PLCE1: variants seen among roughly 807,000 people sequenced by gnomAD.
PLCE1 encodes the protein phospholipase C epsilon 1.
A neutral mutation model predicts 242.8 loss-of-function variants in PLCE1; 119 were observed. The ratio of observed to expected loss-of-function variants is 0.49; its 90% CI spans 0.42 to 0.57. The LOEUF (loss-of-function observed/expected upper bound fraction) is 0.57, where lower values mean the gene tolerates loss of function less well. Among genes scored for constraint, PLCE1 ranks in the 20% least tolerant of loss-of-function variants. The probability of loss-of-function intolerance (pLI) is 0.00; values close to 1 mark genes in which losing one functional copy is unlikely to be tolerated. For synonymous variants in PLCE1, 945 were observed against 1,017.4 expected, an observed-to-expected ratio of 0.93 and a Z score of 1.35; for missense variants, 2,441 against 2,788.8, an observed-to-expected ratio of 0.88 and a Z score of 2.81.
In PLCE1 at chr10:94,179,507, G is replaced by T. The variant is rs373383071; in HGVS notation, c.1809+8011G>T. Among the ~76,000 whole-genome samples, 23 of 31,970 alleles carry T rather than the reference G, an allele frequency of 7.2e-4. 1 individual carries two copies. Among genetic ancestry groups the T allele is most frequent in the Admixed American group, 5.2e-3 (10 of 1,940 alleles). 21.0% of individuals were successfully genotyped at this position (31,970 alleles called of 152,430 possible). A position where few individuals can be genotyped will look rare whatever the true frequency, so the allele number is the denominator to read the frequency against. On this transcript the variant is annotated intron_variant, in intron 4 of 32. Coordinates refer to ENST00000371380, the MANE Select transcript of PLCE1 (RefSeq NM_016341.4). ...TCATCTTTATCTTATTTTTATTTTAGTTTAGTTTTTTTTTTTTTTTTTTGA... is the reference window on the plus strand; with the variant it reads ...TCATCTTTATCTTATTTTTATTTTATTTTAGTTTTTTTTTTTTTTTTTTGA...
chr10:94,207,681 G>A (rs2049205049), intron 4 of PLCE1, among the ~76,000 whole-genome samples: 1 of 152,074 alleles, frequency 6.6e-6, no homozygotes, highest in Non-Finnish European at 1.5e-5. Context: ...AAAGAAACCA[G>A]GGCTTCTTGG....
In PLCE1 at chr10:94,251,546, G is replaced by A. The variant is rs368897592; in HGVS notation, c.3097-770G>A. 2.3e-4 allele frequency among the ~76,000 whole-genome samples: 35 copies of A among 152,286 alleles called. No individual in the cohort carries two copies. In the East Asian group the frequency reaches 3.9e-3, roughly 17 times the overall value. On this transcript the variant is annotated intron_variant, in intron 8 of 32. Coordinates refer to ENST00000371380, the MANE Select transcript of PLCE1 (RefSeq NM_016341.4). ...ATATCAATATCATCTTTAGCTCATA[G>A]GCAACTTTTTGTGGTTTTATTAACT...
chr10:94,152,346 T>G (rs1015728785), intron 3 of PLCE1, among the ~76,000 whole-genome samples: 2 of 152,234 alleles, frequency 1.3e-5, no homozygotes, highest in Non-Finnish European at 2.9e-5. Context: ...GGAATCCACA[T>G]AGTAAGTATA....
intron 1 of PLCE1, among the ~76,000 whole-genome samples, chr10:94,016,267 T>C (rs1168166008): frequency 6.6e-6 from 1 of 151,976 alleles, no homozygotes; most frequent in Non-Finnish European, 1.5e-5. Flanking sequence ...TAGTACTAGG[T>C]TGAGTGTCCC....
chr10:94,118,959 C>T (rs1026172093), intron 2 of PLCE1, among the ~76,000 whole-genome samples: 6 of 152,166 alleles, frequency 3.9e-5, no homozygotes, highest in African/African-American at 1.4e-4. Context: ...TACCTTTCCA[C>T]TGCTATCTTA....
At chr10:94,296,062 C>T (rs1315948857) in intron 23 of PLCE1, among the ~76,000 whole-genome samples, 1 of 152,028 alleles carries the variant, frequency 6.6e-6, no homozygotes, top group Non-Finnish European at 1.5e-5. Flanking sequence ...GTTTCATTTA[C>T]AATAAAAAGT....
At chr10:94,324,821 T>C (rs2053950521) in intron 31 of PLCE1, 71 bp from the exon 32 acceptor site, 2 of 1,470,008 alleles carry the variant, frequency 1.4e-6, no homozygotes, top group Admixed American at 1.7e-5. Flanking sequence ...AGCGCTCTTC[T>C]GAAATAGTGT....
intron 2 of PLCE1, among the ~76,000 whole-genome samples, chr10:94,037,159 GA>G (rs1263857650): frequency 1.3e-5 from 2 of 152,070 alleles, no homozygotes; most frequent in Non-Finnish European, 2.9e-5. Flanking sequence ...CTCAAGAACA[GA>G]AAATTAAACC....
intron 1 of PLCE1, among the ~76,000 whole-genome samples, chr10:94,012,325 A>G (rs2061185162): frequency 6.6e-6 from 1 of 151,714 alleles, no homozygotes; most frequent in African/African-American, 2.4e-5. Context: ...GGATGAGCCC[A>G]TTCATTGGTC....
rs191122359 is a variant in PLCE1, at chr10:94,021,345, G to A, written c.-364-9338G>A. ...CTTAAGAAAATTTTCTGTATCCCAA[G>A]GTCTTGAATATTTTTTCTGTTTCCT... On this transcript the variant is annotated intron_variant, in intron 1 of 32. Coordinates refer to ENST00000371380, the MANE Select transcript of PLCE1 (RefSeq NM_016341.4). Among the ~76,000 whole-genome samples, 510 of 150,916 alleles carry A rather than the reference G, an allele frequency of 3.4e-3. 1 individual carries two copies. The highest frequency in any genetic ancestry group is 0.012 in the African/African-American group (474 of 41,128).
intron 2 of PLCE1, among the ~76,000 whole-genome samples, chr10:94,040,695 A>G (rs1349324303): frequency 6.6e-6 from 1 of 152,182 alleles, no homozygotes; most frequent in African/African-American, 2.4e-5. Flanking sequence ...AGGGCCTAAG[A>G]GAGTCTGTGG....
At chr10:94,045,960 C>T (rs922081840) in intron 2 of PLCE1, among the ~76,000 whole-genome samples, 9 of 82,928 alleles carry the variant, frequency 1.1e-4, no homozygotes, top group South Asian at 4.9e-4. Context: ...ATTAGCCAGG[C>T]GTGGTAAAAA....
chr10:94,191,473 C>A (rs1182631894), intron 4 of PLCE1, among the ~76,000 whole-genome samples: 2 of 152,154 alleles, frequency 1.3e-5, no homozygotes, highest in Admixed American at 6.5e-5. Flanking sequence ...GAGACCCGGT[C>A]TCTACAAATA....
intron 4 of PLCE1, among the ~76,000 whole-genome samples, chr10:94,179,518 T>TG (rs1564761719): frequency 6.2e-4 from 12 of 19,350 alleles, no homozygotes; most frequent in African/African-American, 2.1e-3. Flanking sequence ...TTTAGTTTTT[T>TG]TTTTTTTTTT....
chr10:94,196,406 G>A lies in PLCE1; in HGVS notation c.1809+24910G>A, dbSNP rs185959700. Among the ~76,000 whole-genome samples, 335 of 152,274 alleles carry A rather than the reference G, an allele frequency of 2.2e-3. 1 individual carries two copies. The highest frequency in any genetic ancestry group is 3.9e-3 in the Non-Finnish European group (266 of 68,020). On this transcript the variant is annotated intron_variant, in intron 4 of 32. Transcript: ENST00000371380. ...GCTGGGTAGTGCCCCCAGAGAAGAA[G>A]CAGCTGTAGCCCCAGGAGAAGCTCC...
At chr10:94,176,141 A>G (rs1379707406) in intron 4 of PLCE1, among the ~76,000 whole-genome samples, 2 of 152,158 alleles carry the variant, frequency 1.3e-5, no homozygotes, top group African/African-American at 2.4e-5. Flanking sequence ...GCTCATACCT[A>G]TAATCCTAGC....
At position 94,106,727 on chromosome 10, in the gene PLCE1, A is replaced by C. The variant is rs75471448; in HGVS notation, c.1207-25447A>C. On this transcript the variant is annotated intron_variant, in intron 2 of 32. Coordinates refer to ENST00000371380, the MANE Select transcript of PLCE1 (RefSeq NM_016341.4). Reference sequence around the variant, plus strand: ...CATGATTCCCTTTTCCTCTGCACACAAATTTGGGAATTGAATGCTTCCTTC... The same window carrying C: ...CATGATTCCCTTTTCCTCTGCACACCAATTTGGGAATTGAATGCTTCCTTC... Among the ~76,000 whole-genome samples, 713 of 152,216 alleles carry C rather than the reference A, an allele frequency of 4.7e-3. 5 individuals are homozygous for C. The highest frequency in any genetic ancestry group is 8.3e-3 in the Non-Finnish European group (563 of 68,026).
intron 3 of PLCE1, among the ~76,000 whole-genome samples, chr10:94,147,314 C>T (rs757059416): frequency 2.1e-4 from 32 of 151,924 alleles, no homozygotes; most frequent in Non-Finnish European, 4.1e-4. Flanking sequence ...CCCAGCTACT[C>T]GGGAGGCTGA....
At chr10:94,125,006 T>C (rs567505218) in intron 2 of PLCE1, among the ~76,000 whole-genome samples, 6 of 152,352 alleles carry the variant, frequency 3.9e-5, no homozygotes, top group Non-Finnish European at 7.3e-5. Context: ...GAATGTCGCC[T>C]GTGGTTCAGA....
Sources: allele counts gnomAD v4.1 joint callset (sites outside exome capture counted in the v4.1 genomes callset), GRCh38; gene constraint gnomAD v4.1.1; transcripts MANE v1.5; gene names NCBI Gene and HGNC (gene_info 2026-07-23, HGNC 2026-07-21).